The following NCAM2 variants were observed in gnomAD, a reference collection of about 807,000 sequenced individuals.
NCAM2 encodes the protein N-CAM-2.
In NCAM2, 30 loss-of-function variants were observed where a neutral mutation model predicts 98.1. The observed-to-expected ratio is 0.31, with a 90% CI of 0.23 to 0.41. The LOEUF (loss-of-function observed/expected upper bound fraction) is 0.41. Among genes scored for constraint, NCAM2 ranks in the 10% least tolerant of loss-of-function variants. The pLI is 1.00. For missense variants in NCAM2, 867 were observed against 1,005.8 expected, an observed-to-expected ratio of 0.86 and a Z score of 1.87; for synonymous variants, 368 against 342.4, an observed-to-expected ratio of 1.07 and a Z score of -0.83.
chr21:21,193,273 C>A (rs2068886277), intron 1 of NCAM2, among the ~76,000 whole-genome samples: 4 of 151,654 alleles, frequency 2.6e-5, no homozygotes, highest in South Asian at 4.2e-4. Flanking sequence ...AGATTATTAT[C>A]TTTTTTAATA....
chr21:21,288,607 G>T (rs868366865), intron 4 of NCAM2, among the ~76,000 whole-genome samples: 2 of 151,664 alleles, frequency 1.3e-5, no homozygotes, highest in Middle Eastern at 6.8e-3. Context: ...TTGAAATAGT[G>T]TAGAAACTTA....
intron 12 of NCAM2, among the ~76,000 whole-genome samples, chr21:21,453,155 A>G (rs1287786319): frequency 7.1e-6 from 1 of 141,624 alleles, no homozygotes. Flanking sequence ...AATGTTTAAT[A>G]TATCAAAATT....
rs529748302 is a variant in NCAM2 at position 21,539,452 on chromosome 21, T to C, written c.*1495T>C. ...AAGGAATATTGGAGCAATTTTAACA[T>C]TGCAGAAACCTGCTCTGGGTGTGTC... On this transcript the variant is annotated 3_prime_UTR_variant, in exon 18 of 18. Coordinates refer to ENST00000400546, the MANE Select transcript of NCAM2 (RefSeq NM_004540.5). 2.6e-5 allele frequency: 4 copies of C among 152,278 alleles called. No individual in the cohort carries two copies. The highest frequency in any genetic ancestry group is 9.6e-5 in the African/African-American group (4 of 41,572). The allele number at this position is 152,278 out of a possible 1,614,324, so 9.4% of individuals were successfully genotyped here.
intron 1 of NCAM2, among the ~76,000 whole-genome samples, chr21:21,023,580 G>C (rs1026455833): frequency 1.3e-5 from 2 of 151,462 alleles, no homozygotes; most frequent in Non-Finnish European, 2.9e-5. Flanking sequence ...GGTTCTTCAA[G>C]TTAGATAACT....
intron 8 of NCAM2, among the ~76,000 whole-genome samples, chr21:21,367,407 G>A (rs1286127506): frequency 2.6e-5 from 4 of 151,804 alleles, no homozygotes; most frequent in Non-Finnish European, 5.9e-5. Flanking sequence ...TCCTATAGTA[G>A]TTATTTGTCC....
chr21:21,221,497 G>T (rs1053551033), intron 1 of NCAM2, among the ~76,000 whole-genome samples: 3 of 152,072 alleles, frequency 2.0e-5, no homozygotes, highest in African/African-American at 7.2e-5. Flanking sequence ...TTTAACACTT[G>T]GGTGAAAAGA....
intron 1 of NCAM2, among the ~76,000 whole-genome samples, chr21:21,166,247 G>T (rs1042155917): frequency 6.6e-6 from 1 of 151,932 alleles, no homozygotes; most frequent in African/African-American, 2.4e-5. Context: ...TCGCTCTGTC[G>T]CCCAGGCTGG....
intron 1 of NCAM2, among the ~76,000 whole-genome samples, chr21:21,065,306 A>G (rs2065413135): frequency 6.6e-6 from 1 of 152,236 alleles, no homozygotes; most frequent in African/African-American, 2.4e-5. Flanking sequence ...TTTAACAAGC[A>G]ATTATATTAA....
intron 1 of NCAM2, among the ~76,000 whole-genome samples, chr21:21,217,467 A>C (rs1004092500): frequency 6.6e-6 from 1 of 152,146 alleles, no homozygotes; most frequent in Non-Finnish European, 1.5e-5. Flanking sequence ...CTGTTGCAGA[A>C]GTGAAAGTTT....
chr21:21,241,734 T>C (rs2071074032), intron 1 of NCAM2, among the ~76,000 whole-genome samples: 1 of 236 alleles, frequency 4.2e-3, no homozygotes, highest in South Asian at 0.25. Flanking sequence ...TAACATAATC[T>C]GAGTTTGGAC....
At chr21:21,175,967 T>C (rs560191415) in intron 1 of NCAM2, among the ~76,000 whole-genome samples, 4 of 152,346 alleles carry the variant, frequency 2.6e-5, no homozygotes, top group East Asian at 1.9e-4. Flanking sequence ...AAATGTGGTT[T>C]AAAACAGAAA....
intron 1 of NCAM2, among the ~76,000 whole-genome samples, chr21:21,196,110 G>T (rs2068995373): frequency 6.6e-6 from 1 of 152,124 alleles, no homozygotes; most frequent in Non-Finnish European, 1.5e-5. Context: ...TGTGATTAAG[G>T]TCCTATGGCG....
chr21:21,082,462 C>T (rs759575818), intron 1 of NCAM2, among the ~76,000 whole-genome samples: 6 of 151,938 alleles, frequency 3.9e-5, no homozygotes, highest in South Asian at 4.1e-4. Flanking sequence ...TTCTCTACCA[C>T]GATAATTAAA....
chr21:21,334,169 G>A (rs928452529), intron 6 of NCAM2, among the ~76,000 whole-genome samples: 6 of 152,038 alleles, frequency 3.9e-5, no homozygotes, highest in Non-Finnish European at 8.8e-5. Flanking sequence ...CTAACCTCAA[G>A]TGATCCACCG....
At chr21:21,000,741 A>T (rs1198404794) in intron 1 of NCAM2, among the ~76,000 whole-genome samples, 1 of 152,180 alleles carries the variant, frequency 6.6e-6, no homozygotes, top group Admixed American at 6.5e-5. Flanking sequence ...GTGAAAGGGA[A>T]CATATAGTAC....
In NCAM2 at chr21:21,286,300, A is replaced by G. The variant is rs1229840871; in HGVS notation, c.369A>G (p.Pro123=). 1 of 1,610,644 alleles carries G rather than the reference A, an allele frequency of 6.2e-7. No homozygotes were observed. The highest frequency in any genetic ancestry group is 1.3e-5 in the African/African-American group (1 of 74,752). The part of the protein sequence containing the change: ...QKLTFREVVS[P]QEFKQGEDAE... The stretch of plus-strand genomic sequence containing the variant: ...TCACTTTCAGAGAAGTGGTATCTCC[A>G]CAAGAATTCAAACAAGGAGAAGATG... Residue 123 remains proline, a synonymous_variant, in exon 4 of 18, where the codon CCA becomes CCG. Coordinates refer to ENST00000400546, the MANE Select transcript of NCAM2 (RefSeq NM_004540.5).
chr21:21,187,982 A>G (rs80251562), intron 1 of NCAM2, among the ~76,000 whole-genome samples: 123 of 152,344 alleles, frequency 8.1e-4, no homozygotes, highest in African/African-American at 2.9e-3. Flanking sequence ...GTTAACACAA[A>G]TAAGTACTTG....
At chr21:21,015,909 A>T (rs1000149167) in intron 1 of NCAM2, among the ~76,000 whole-genome samples, 3 of 152,006 alleles carry the variant, frequency 2.0e-5, no homozygotes, top group African/African-American at 7.2e-5. Flanking sequence ...GGGTTTCACC[A>T]TGTTGGCCAG....
At chr21:21,036,064 T>TA (rs1300996100) in intron 1 of NCAM2, among the ~76,000 whole-genome samples, 1 of 152,154 alleles carries the variant, frequency 6.6e-6, no homozygotes, top group African/African-American at 2.4e-5. Flanking sequence ...TTTGGAGCAT[T>TA]AAGGGCCCTC....
Sources: gnomAD v4.1 joint callset for allele counts (sites outside exome capture counted in the v4.1 genomes callset) on GRCh38, gnomAD v4.1.1 for gene constraint, MANE v1.5 for transcripts, NCBI Gene and HGNC (gene_info 2026-07-23, HGNC 2026-07-21) for gene names.